The following MYO5B variants were observed in gnomAD, a reference collection of about 807,000 sequenced individuals.
MYO5B encodes unconventional myosin-Vb.
In MYO5B, 143 loss-of-function variants were observed where a neutral mutation model predicts 229.3. The ratio of observed to expected loss-of-function variants is 0.62; its 90% CI spans 0.54 to 0.72. MYO5B has a LOEUF of 0.72. Among genes scored for constraint, MYO5B ranks in the 30% least tolerant of loss-of-function variants. The pLI is 0.00. For synonymous variants in MYO5B, 918 were observed against 885.2 expected (o/e 1.04, Z -0.66); for missense variants, 2,321 against 2,331.0 (o/e 1.00, Z 0.09).
chr18:50,015,462 C>A (rs926271324), intron 4 of MYO5B, among the ~76,000 whole-genome samples: 10 of 152,160 alleles, frequency 6.6e-5, no homozygotes, highest in Non-Finnish European at 1.5e-4. Flanking sequence ...TGAAATCTGA[C>A]TATTTTCAGT....
intron 17 of MYO5B, among the ~76,000 whole-genome samples, chr18:49,922,254 C>G (rs1017276186): frequency 1.3e-5 from 2 of 152,220 alleles, no homozygotes; most frequent in African/African-American, 2.4e-5. Context: ...TCCCCAGACA[C>G]AGTAGGCATA....
intron 9 of MYO5B, among the ~76,000 whole-genome samples, chr18:49,978,283 C>T (rs1598926948): frequency 6.6e-6 from 1 of 152,196 alleles, no homozygotes; most frequent in East Asian, 1.9e-4. Context: ...GAACAGTGAG[C>T]CCAACAGATA....
chr18:49,848,849 T>C (rs1248302619), intron 32 of MYO5B, among the ~76,000 whole-genome samples: 1 of 152,130 alleles, frequency 6.6e-6, no homozygotes, highest in Non-Finnish European at 1.5e-5. Flanking sequence ...CCCTGCCCTC[T>C]AAGACCTTCC....
chr18:50,194,981 T>A lies in MYO5B; in HGVS notation c.-188A>T. 1 of 802,680 alleles carries A rather than the reference T, an allele frequency of 1.2e-6. No individual in the cohort carries two copies. Among genetic ancestry groups the A allele is most frequent in the Non-Finnish European group, 1.6e-6 (1 of 606,708 alleles). The allele number at this position is 802,680 out of a possible 1,614,324, so 49.7% of individuals were successfully genotyped here. A position where few individuals can be genotyped will look rare whatever the true frequency, so the allele number is the denominator to read the frequency against. On this transcript the variant is annotated 5_prime_UTR_variant, in exon 1 of 40. Coordinates refer to ENST00000285039, the MANE Select transcript of MYO5B (RefSeq NM_001080467.3). ...GGCTCGCTCCCGGCGGCGCGACCTT[T>A]ACTCCCGCCGCGGCGGCGCAGCTAC...
intron 24 of MYO5B, among the ~76,000 whole-genome samples, chr18:49,878,671 TAACAGGA>T (rs2024553279): frequency 6.6e-6 from 1 of 152,160 alleles, no homozygotes; most frequent in African/African-American, 2.4e-5. Flanking sequence ...AATGTTCCCG[TAACAGGA>T]AACAGGAAAG....
intron 1 of MYO5B, among the ~76,000 whole-genome samples, chr18:50,190,897 A>T (rs1259171395): frequency 6.6e-6 from 1 of 152,234 alleles, no homozygotes; most frequent in Non-Finnish European, 1.5e-5. Context: ...AAATGCTGTT[A>T]GCATAATGGG....
intron 1 of MYO5B, among the ~76,000 whole-genome samples, chr18:50,066,053 A>G (rs2030811769): frequency 6.6e-6 from 1 of 152,188 alleles, no homozygotes; most frequent in African/African-American, 2.4e-5. Context: ...GGGTCACATT[A>G]CAGATTTTTT....
rs2144244124 is a variant in MYO5B, at chr18:49,953,318, A to C, written c.1694T>G (p.Leu565Arg). Residue 565 changes from leucine to arginine, a missense_variant, in exon 14 of 40, where the codon CTG becomes CGG. Around this residue, in one of 2 missense-constraint regions of MYO5B, gnomAD observed 2,113 missense variants for 2,044.7 expected, o/e 1.03. Coordinates refer to ENST00000285039, the MANE Select transcript of MYO5B (RefSeq NM_001080467.3). ...DKVEYLSDGF[L>R]EKNRDTVYEE... is the part of the protein sequence containing the mutation. ...ATACACCGTGTCTCTGTTTTTCTCCAGAAAACCATCAGAGAGGTACTCCAC... is the reference window on the plus strand; with the variant it reads ...ATACACCGTGTCTCTGTTTTTCTCCCGAAAACCATCAGAGAGGTACTCCAC... 2 of 1,614,174 alleles carry C rather than the reference A, an allele frequency of 1.2e-6. No homozygotes were observed. Among genetic ancestry groups the C allele is most frequent in the Non-Finnish European group, 1.7e-6 (2 of 1,180,036 alleles).
chr18:49,927,338 T>A, intron 17 of MYO5B, among the ~76,000 whole-genome samples: 1 of 145,816 alleles, frequency 6.9e-6, no homozygotes. Flanking sequence ...ATCAAAATAC[T>A]ACCATATTTC....
intron 9 of MYO5B, among the ~76,000 whole-genome samples, chr18:49,976,952 G>A (rs1936514039): frequency 6.6e-6 from 1 of 152,128 alleles, no homozygotes; most frequent in African/African-American, 2.4e-5. Flanking sequence ...TAATTGCTAG[G>A]CACGGCACTG....
At chr18:49,888,328 A>G (rs960877389) in intron 22 of MYO5B, among the ~76,000 whole-genome samples, 3 of 152,130 alleles carry the variant, frequency 2.0e-5, no homozygotes, top group African/African-American at 7.2e-5. Context: ...CCCTAATGGC[A>G]AAATCACCCC....
intron 1 of MYO5B, among the ~76,000 whole-genome samples, chr18:50,133,840 T>C (rs2032292446): frequency 2.0e-5 from 3 of 151,888 alleles, no homozygotes; most frequent in African/African-American, 4.8e-5. Flanking sequence ...GAGAACCATA[T>C]GGCCACAAAA....
chr18:49,954,408 C>A lies in MYO5B; in HGVS notation c.1573G>T (p.Ala525Ser). ...GAGTGCCGGTCATAGAGCTTCTGAG[C>A]CCAGTTCTGGTCAGTTCCTTTGGGG... ...KVPKGTDQNW[A>S]QKLYDRHSSS... The change falls in exon 13 of 40, where the codon GCT (alanine) becomes TCT (serine). Residue 525 changes from alanine to serine, a missense_variant. Around this residue, in one of 2 missense-constraint regions of MYO5B, gnomAD observed 2,113 missense variants for 2,044.7 expected, o/e 1.03. Coordinates refer to ENST00000285039, the MANE Select transcript of MYO5B (RefSeq NM_001080467.3). The A allele has an allele frequency of 1.2e-6, 2 of 1,613,958 alleles. No homozygotes were observed. Among genetic ancestry groups the A allele is most frequent in the Non-Finnish European group, 1.7e-6 (2 of 1,179,946 alleles).
intron 17 of MYO5B, among the ~76,000 whole-genome samples, chr18:49,920,615 C>A (rs189765436): frequency 6.6e-6 from 1 of 152,158 alleles, no homozygotes; most frequent in Non-Finnish European, 1.5e-5. Context: ...CGAGTTGGAG[C>A]TGAGACACAA....
chr18:49,900,322 C>A (rs530610920), intron 21 of MYO5B, among the ~76,000 whole-genome samples: 41 of 152,330 alleles, frequency 2.7e-4, no homozygotes, highest in African/African-American at 8.9e-4. Context: ...TGGATGTGCC[C>A]TCCTCCCTGA....
intron 14 of MYO5B, among the ~76,000 whole-genome samples, chr18:49,947,810 T>G (rs2025391002): frequency 6.6e-6 from 1 of 152,312 alleles, no homozygotes; most frequent in East Asian, 1.9e-4. Flanking sequence ...TTCCTATATA[T>G]AGCTTTTAAA....
intron 1 of MYO5B, among the ~76,000 whole-genome samples, chr18:50,166,340 C>A (rs998939218): frequency 6.6e-6 from 1 of 152,152 alleles, no homozygotes; most frequent in African/African-American, 2.4e-5. Flanking sequence ...AACAGCAGCC[C>A]AAATTATTTT....
At position 50,195,035 on chromosome 18, in the gene MYO5B, G is replaced by A. The variant is rs576772655; in HGVS notation, c.-242C>T. Reference sequence around the variant, plus strand: ...CGGACAGGAGTTGCGAGCGCCGGGGGAGGAGGCCGCGCCGCACCACTCCCC... The same window carrying A: ...CGGACAGGAGTTGCGAGCGCCGGGGAAGGAGGCCGCGCCGCACCACTCCCC... On this transcript the variant is annotated 5_prime_UTR_variant, in exon 1 of 40. Coordinates refer to ENST00000285039, the MANE Select transcript of MYO5B (RefSeq NM_001080467.3). The A allele has an allele frequency of 4.4e-5, 17 of 389,506 alleles. No homozygotes were observed. Among genetic ancestry groups the A allele is most frequent in the African/African-American group, 3.2e-4 (15 of 47,572 alleles). 24.1% of individuals were successfully genotyped at this position (389,506 alleles called of 1,614,324 possible). A position where few individuals can be genotyped will look rare whatever the true frequency, so the allele number is the denominator to read the frequency against.
At chr18:50,190,896 T>A (rs1490920818) in intron 1 of MYO5B, among the ~76,000 whole-genome samples, 1 of 152,220 alleles carries the variant, frequency 6.6e-6, no homozygotes, top group Non-Finnish European at 1.5e-5. Flanking sequence ...TAAATGCTGT[T>A]AGCATAATGG....
Sources: allele counts gnomAD v4.1 joint callset (sites outside exome capture counted in the v4.1 genomes callset), GRCh38; gene constraint gnomAD v4.1.1; regional missense constraint gnomAD v4.1.1; transcripts MANE v1.5; gene names NCBI Gene and HGNC (gene_info 2026-07-23, HGNC 2026-07-21).